The following ULK4 variants were observed in gnomAD, a reference collection of about 807,000 sequenced individuals.
The protein encoded by ULK4 is inactive serine/threonine-protein kinase ULK4.
Under a neutral mutation model 160.6 loss-of-function variants are expected in ULK4, and 133 were observed. That is an observed-to-expected ratio of 0.83 (90% CI 0.72 to 0.96). The LOEUF (loss-of-function observed/expected upper bound fraction) is 0.96. ULK4 is among the 40% of genes least tolerant of loss of function. The pLI is 0.00. For missense variants in ULK4, 1,580 were observed against 1,499.5 expected, an observed-to-expected ratio of 1.05 and a Z score of -0.89; for synonymous variants, 534 against 539.8, an observed-to-expected ratio of 0.99 and a Z score of 0.15.
At chr3:41,336,172 C>G (rs1354699725) in intron 35 of ULK4, among the ~76,000 whole-genome samples, 3 of 152,182 alleles carry the variant, frequency 2.0e-5, no homozygotes, top group Non-Finnish European at 4.4e-5. Context: ...GGCAACATGT[C>G]TGGACTCCCC....
chr3:41,322,610 T>C (rs549239206), intron 35 of ULK4, among the ~76,000 whole-genome samples: 1 of 152,270 alleles, frequency 6.6e-6, no homozygotes, highest in South Asian at 2.1e-4. Flanking sequence ...CTACATTTCT[T>C]CAAAGCTCCC....
intron 20 of ULK4, among the ~76,000 whole-genome samples, chr3:41,794,681 A>ACC (rs2040249139): frequency 1.5e-5 from 2 of 130,158 alleles, no homozygotes; most frequent in South Asian, 2.4e-4. Context: ...AAAAAAAAAA[A>ACC]AAAAACACAG....
chr3:41,827,584 C>T (rs1450170456), intron 18 of ULK4, among the ~76,000 whole-genome samples: 4 of 152,016 alleles, frequency 2.6e-5, no homozygotes, highest in African/African-American at 9.7e-5. Context: ...ATACACCCTC[C>T]CAAGACTAAA....
intron 35 of ULK4, among the ~76,000 whole-genome samples, chr3:41,298,173 G>GT (rs754274664): frequency 2.6e-5 from 4 of 152,228 alleles, no homozygotes; most frequent in Non-Finnish European, 5.9e-5. Flanking sequence ...TATTTGGCTT[G>GT]TAAGTCTAAC....
rs565347387 is a variant in ULK4 at position 41,950,414 on chromosome 3, T to G, written c.138+4208A>C. Among the ~76,000 whole-genome samples, 28 of 152,290 alleles carry G rather than the reference T, an allele frequency of 1.8e-4. 1 individual carries two copies. Among genetic ancestry groups the G allele is most frequent in the Admixed American group, 1.8e-3 (28 of 15,286 alleles). On this transcript the variant is annotated intron_variant, in intron 2 of 36. Coordinates refer to ENST00000301831, the MANE Select transcript of ULK4 (RefSeq NM_017886.4). Reference sequence around the variant, plus strand: ...TGCCACCATGCCCGGCTGATTTTTTTGTATTTTTAGTAGAGACAGGGTTTC... The same window carrying G: ...TGCCACCATGCCCGGCTGATTTTTTGGTATTTTTAGTAGAGACAGGGTTTC...
At chr3:41,770,412 T>C (rs1197178534) in intron 21 of ULK4, among the ~76,000 whole-genome samples, 2 of 152,184 alleles carry the variant, frequency 1.3e-5, no homozygotes, top group African/African-American at 2.4e-5. Flanking sequence ...AACCACTTGT[T>C]ACTCCTTCAC....
intron 7 of ULK4, 45 bp downstream of exon 7, chr3:41,918,412 C>T (rs1436246661): frequency 7.5e-7 from 1 of 1,329,042 alleles, no homozygotes; most frequent in Non-Finnish European, 1.0e-6. Context: ...CACCTTTAAT[C>T]AGTGTAAAAT....
intron 22 of ULK4, among the ~76,000 whole-genome samples, chr3:41,745,177 C>A (rs2038377434): frequency 6.6e-6 from 1 of 150,568 alleles, no homozygotes; most frequent in African/African-American, 2.5e-5. Context: ...CAAAACAAAG[C>A]AAGCAGAAGG....
intron 17 of ULK4, among the ~76,000 whole-genome samples, chr3:41,841,565 C>T (rs961207249): frequency 2.0e-5 from 3 of 151,654 alleles, no homozygotes; most frequent in Admixed American, 6.6e-5. Context: ...CACCTCTGCC[C>T]GGCAGCCCCA....
chr3:41,654,849 A>C (rs998046447), intron 30 of ULK4, among the ~76,000 whole-genome samples: 1 of 152,240 alleles, frequency 6.6e-6, no homozygotes, highest in African/African-American at 2.4e-5. Flanking sequence ...CTTGTATTTT[A>C]TTCTGCAGAG....
intron 2 of ULK4, among the ~76,000 whole-genome samples, chr3:41,947,461 T>C (rs1700147428): frequency 6.6e-6 from 1 of 152,104 alleles, no homozygotes; most frequent in South Asian, 2.1e-4. Flanking sequence ...GAAGTCAAAC[T>C]CTTCCTTACA....
intron 22 of ULK4, among the ~76,000 whole-genome samples, chr3:41,722,396 T>C (rs931360329): frequency 1.3e-5 from 2 of 151,942 alleles, no homozygotes; most frequent in African/African-American, 2.4e-5. Flanking sequence ...TGGGAGGCCA[T>C]GGCGGGTGGA....
chr3:41,593,217 A>G (rs1443889367), intron 31 of ULK4, among the ~76,000 whole-genome samples: 21 of 152,230 alleles, frequency 1.4e-4, no homozygotes, highest in Non-Finnish European at 2.9e-5. Flanking sequence ...AAGAAAACAC[A>G]ACTACCCACT....
At chr3:41,633,891 T>C (rs902577583) in intron 30 of ULK4, among the ~76,000 whole-genome samples, 19 of 152,112 alleles carry the variant, frequency 1.2e-4, no homozygotes, top group African/African-American at 4.1e-4. Flanking sequence ...TGTCATTTAT[T>C]GGAGCTCCCT....
intron 34 of ULK4, among the ~76,000 whole-genome samples, chr3:41,436,767 C>A (rs12152500): frequency 0.53 from 80,610 of 151,932 alleles, 21,807 homozygotes; most frequent in East Asian, 0.69. Context: ...CTGGTGACAA[C>A]AATCAAGGCC....
chr3:41,645,751 A>G (rs1275771095), intron 30 of ULK4, among the ~76,000 whole-genome samples: 3 of 152,138 alleles, frequency 2.0e-5, no homozygotes, highest in East Asian at 1.9e-4. Flanking sequence ...TATCCTTGTT[A>G]ACTTTCTGTC....
intron 30 of ULK4, among the ~76,000 whole-genome samples, chr3:41,662,863 A>G (rs924680319): frequency 1.3e-5 from 2 of 152,124 alleles, no homozygotes; most frequent in Non-Finnish European, 2.9e-5. Flanking sequence ...ATTTGGCATC[A>G]TCATATTCAG....
chr3:41,643,553 C>T (rs1575519009), intron 30 of ULK4, among the ~76,000 whole-genome samples: 1 of 152,090 alleles, frequency 6.6e-6, no homozygotes. Context: ...TGATCTATAT[C>T]TCTGTTTTGG....
intron 31 of ULK4, among the ~76,000 whole-genome samples, chr3:41,606,460 T>C (rs2125670932): frequency 6.6e-6 from 1 of 152,204 alleles, no homozygotes; most frequent in Non-Finnish European, 1.5e-5. Flanking sequence ...TTCAATATAC[T>C]GATTTCTTTT....
Sources: allele counts gnomAD v4.1 joint callset (sites outside exome capture counted in the v4.1 genomes callset), GRCh38; gene constraint gnomAD v4.1.1; transcripts MANE v1.5; gene names NCBI Gene and HGNC (gene_info 2026-07-23, HGNC 2026-07-21).